STYK1: variants seen among roughly 807,000 people sequenced by gnomAD.
STYK1 encodes STY kinase 1.
In STYK1, 46 loss-of-function variants were observed where a neutral mutation model predicts 48.1. The ratio of observed to expected loss-of-function variants is 0.96; its 90% CI spans 0.75 to 1.22. STYK1 has a LOEUF of 1.22. Among genes scored for constraint, STYK1 ranks in the 50% most tolerant of loss-of-function variants. The probability of loss-of-function intolerance (pLI) is 0.00; values close to 1 mark genes in which losing one functional copy is unlikely to be tolerated. For synonymous variants in STYK1, 188 were observed against 189.0 expected, an observed-to-expected ratio of 0.99 and a Z score of 0.04; for missense variants, 527 against 521.1, an observed-to-expected ratio of 1.01 and a Z score of -0.11.
At position 10,634,032 on chromosome 12, in the gene STYK1, TA is replaced by T. The variant is rs1947458328; in HGVS notation, c.144del (p.Phe48LeufsTer26). 1.9e-6 allele frequency: 3 copies of T among 1,613,998 alleles called. No homozygotes were observed. The highest frequency in any genetic ancestry group is 1.7e-5 in the Admixed American group (1 of 60,008). On this transcript the variant is annotated frameshift_variant, in exon 4 of 11. Transcript: ENST00000075503. LOFTEE classifies it high-confidence loss of function. ...TGCTGTTGAGTTCTTTGTTCTCTGA[TA>T]AAAAGCCACAGGATGACCCCAAGAA... ...LILLGVILWLFIREQRTQQQR... is the reference protein window; with the variant it reads ...LILLGVILWLXIREQRTQQQR...
At chr12:10,650,226 C>G (rs1376214019) in intron 1 of STYK1, among the ~76,000 whole-genome samples, 1 of 151,526 alleles carries the variant, frequency 6.6e-6, no homozygotes, top group Non-Finnish European at 1.5e-5. Flanking sequence ...AGTTGGGACT[C>G]CCAGGAACAA....
chr12:10,621,897 G>T lies in STYK1; in HGVS notation c.1043C>A (p.Pro348His). The T allele has an allele frequency of 6.2e-7, 1 of 1,613,748 alleles. No individual in the cohort carries two copies. The highest frequency in any genetic ancestry group is 8.5e-7 in the Non-Finnish European group (1 of 1,179,780). ...TTACATGGTATGTGTGCAGCTACTG[G>T]GTCTCTTCATGATTTTCCTTCTTTG... Reference protein sequence around the residue: ...HLQRRKIMKRPSSCTHTMYSI... With the variant: ...HLQRRKIMKRHSSCTHTMYSI... Residue 348 changes from proline to histidine, a missense_variant, in exon 10 of 11, where the codon CCC becomes CAC. Transcript: ENST00000075503.
intron 3 of STYK1, 77 bp from the exon 4 acceptor site, chr12:10,634,201 C>G (rs1486065010): frequency 8.7e-6 from 13 of 1,490,388 alleles, no homozygotes; most frequent in Non-Finnish European, 1.2e-5. Flanking sequence ...CCCTACCCGC[C>G]AGCTCTCAGC....
At chr12:10,665,156 C>T (rs1947821339) in intron 1 of STYK1, among the ~76,000 whole-genome samples, 1 of 152,214 alleles carries the variant, frequency 6.6e-6, no homozygotes, top group South Asian at 2.1e-4. Context: ...GCAGGTTCAA[C>T]TCTCAGTGTC....
chr12:10,657,665 T>C (rs1020624232), intron 1 of STYK1, among the ~76,000 whole-genome samples: 3 of 152,228 alleles, frequency 2.0e-5, no homozygotes, highest in African/African-American at 7.2e-5. Context: ...CATTAGATTC[T>C]AGATAAGTCC....
intron 7 of STYK1, 86 bp from the exon 8 acceptor site, chr12:10,624,945 A>G: frequency 8.4e-7 from 1 of 1,183,696 alleles, no homozygotes; most frequent in East Asian, 2.3e-5. Flanking sequence ...GGAATCTTCA[A>G]AAACACAAGG....
chr12:10,670,101 T>A (rs1303883255), intron 1 of STYK1, among the ~76,000 whole-genome samples: 2 of 152,222 alleles, frequency 1.3e-5, no homozygotes, highest in Admixed American at 6.5e-5. Flanking sequence ...AACTACTATA[T>A]GATCCAGCAA....
chr12:10,622,592 T>C, intron 9 of STYK1, 46 bp downstream of exon 9: 2 of 1,610,182 alleles, frequency 1.2e-6, no homozygotes, highest in Non-Finnish European at 1.7e-6. Context: ...TAAACACGCT[T>C]GCATATTTGC....
rs1230142134 is a variant in STYK1, at chr12:10,674,045, C to G, written c.-274G>C. On this transcript the variant is annotated 5_prime_UTR_variant, in exon 1 of 11. Coordinates refer to ENST00000075503, the MANE Select transcript of STYK1 (RefSeq NM_018423.3). ...GAAATAATGACAGGGTTGGGTAGGG[C>G]AAGGTGTGCCAGCCTCAAGGAAATG... 1 of 152,292 alleles carries G rather than the reference C, an allele frequency of 6.6e-6. No individual in the cohort carries two copies. The highest frequency in any genetic ancestry group is 1.9e-4 in the East Asian group (1 of 5,186). The allele number at this position is 152,292 out of a possible 1,614,324, so 9.4% of individuals were successfully genotyped here.
chr12:10,670,252 T>C (rs1037641195), intron 1 of STYK1, among the ~76,000 whole-genome samples: 4 of 152,174 alleles, frequency 2.6e-5, no homozygotes, highest in Admixed American at 2.0e-4. Context: ...AATCAGTGTG[T>C]CTGATTTCAC....
At chr12:10,665,448 A>G (rs1305588868) in intron 1 of STYK1, among the ~76,000 whole-genome samples, 2 of 152,354 alleles carry the variant, frequency 1.3e-5, no homozygotes, top group Admixed American at 6.5e-5. Context: ...GACACCTCCC[A>G]GCAGTTAATT....
intron 1 of STYK1, among the ~76,000 whole-genome samples, chr12:10,654,375 T>C (rs931438959): frequency 3.3e-5 from 5 of 152,220 alleles, no homozygotes; most frequent in Non-Finnish European, 7.3e-5. Context: ...TTCACTTTAC[T>C]CTATGGAGTC....
At chr12:10,633,216 C>T (rs1947448840) in intron 4 of STYK1, among the ~76,000 whole-genome samples, 1 of 152,160 alleles carries the variant, frequency 6.6e-6, no homozygotes, top group Non-Finnish European at 1.5e-5. Flanking sequence ...CTTTTCAATG[C>T]AGCTGTCATT....
In STYK1 at chr12:10,668,539, CTTTTTTTTTTT is replaced by C. The variant is rs55897413; in HGVS notation, c.-195+5416_-195+5426del. ...TATAGGCACCTGTCACCACACCTGG[CTTTTTTTTTTT>C]TTTTTTTTTTTTTTTTGTATATTTA... On this transcript the variant is annotated intron_variant, in intron 1 of 10. Transcript: ENST00000075503. Among the ~76,000 whole-genome samples the C allele has an allele frequency of 4.1e-3, 189 of 46,526 alleles. 1 individual carries two copies. In the Middle Eastern group the frequency reaches 0.061, roughly 15 times the overall value. The allele number at this position is 46,526 out of a possible 152,430, so 30.5% of individuals were successfully genotyped here.
intron 8 of STYK1, among the ~76,000 whole-genome samples, chr12:10,623,805 A>G (rs1314402356): frequency 6.6e-6 from 1 of 152,164 alleles, no homozygotes; most frequent in Non-Finnish European, 1.5e-5. Flanking sequence ...GGAACTCAAA[A>G]ATAAATCATT....
At chr12:10,661,088 T>C (rs1947772107) in intron 1 of STYK1, among the ~76,000 whole-genome samples, 1 of 152,052 alleles carries the variant, frequency 6.6e-6, no homozygotes, top group Admixed American at 6.6e-5. Flanking sequence ...CTGGTAACAG[T>C]CTGACCTTTA....
In STYK1 at chr12:10,633,984, C is replaced by T. The variant is rs1372282387; in HGVS notation, c.187+6G>A. ...CCCCTGCCCAGCCCCAAAGTTTGAG[C>T]TTTACCTTGAGGTCCAGAACGCTGC... On this transcript the variant is annotated splice_donor_region_variant and intron_variant, in intron 4 of 10. Transcript: ENST00000075503. 6.2e-7 allele frequency: 1 copy of T among 1,613,120 alleles called. No homozygotes were observed. Among genetic ancestry groups the T allele is most frequent in the Admixed American group, 1.7e-5 (1 of 59,864 alleles).
rs191916797 is a variant in STYK1, at chr12:10,672,680, T to C, written c.-195+1286A>G. On this transcript the variant is annotated intron_variant, in intron 1 of 10. Coordinates refer to ENST00000075503, the MANE Select transcript of STYK1 (RefSeq NM_018423.3). The surrounding 1 kb of genome is among the most constrained non-coding windows in gnomAD (Gnocchi z 4.0). ...CTGAAACCATCTCCCGCCAACCTCA[T>C]CGGCATCTGTGAAAAAAATTGTCTT... 1.2e-4 allele frequency among the ~76,000 whole-genome samples: 18 copies of C among 152,304 alleles called. No individual in the cohort carries two copies. Among genetic ancestry groups the C allele is most frequent in the Non-Finnish European group, 2.9e-5 (2 of 68,040 alleles).
chr12:10,621,016 T>C (rs897882), intron 10 of STYK1, among the ~76,000 whole-genome samples: 58,750 of 152,030 alleles, frequency 0.39, 11,533 homozygotes, highest in Middle Eastern at 0.49. Flanking sequence ...TGTATACTCA[T>C]ATATAATTAA....
Sources: allele counts gnomAD v4.1 joint callset (sites outside exome capture counted in the v4.1 genomes callset), GRCh38; gene constraint gnomAD v4.1.1; non-coding constraint Gnocchi (gnomAD v3.1); transcripts MANE v1.5; gene names NCBI Gene and HGNC (gene_info 2026-07-23, HGNC 2026-07-21).